ZZEF1: variants seen among roughly 807,000 people sequenced by gnomAD.
ZZEF1 encodes the protein zinc finger ZZ-type and EF-hand domain-containing protein 1.
In ZZEF1, 157 loss-of-function variants were observed where a neutral mutation model predicts 342.8. The ratio of observed to expected loss-of-function variants is 0.46; its 90% CI spans 0.40 to 0.52. The LOEUF is 0.52. Ranked by LOEUF, ZZEF1 falls within the 20% of genes least tolerant of loss-of-function variation. The probability of loss-of-function intolerance (pLI) is 0.00; values close to 1 mark genes in which losing one functional copy is unlikely to be tolerated. For missense variants in ZZEF1, 3,480 were observed against 3,725.6 expected, an observed-to-expected ratio of 0.93 and a Z score of 1.72; for synonymous variants, 1,505 against 1,429.1, an observed-to-expected ratio of 1.05 and a Z score of -1.20.
At chr17:4,068,834 T>C (rs767463945) in intron 26 of ZZEF1, among the ~76,000 whole-genome samples, 43 of 152,260 alleles carry the variant, frequency 2.8e-4, no homozygotes, top group Non-Finnish European at 4.1e-4. Context: ...TCCCCACCCT[T>C]TCTAACCCCA....
At position 4,040,974 on chromosome 17, in the gene ZZEF1, C is replaced by T. The variant is rs1219032466; in HGVS notation, c.6306+1455G>A. The stretch of plus-strand genomic sequence containing the variant: ...GGTGCAGCTCTAATTGACACAGAGG[C>T]AGCTGAGGCAGCTAAAGTTAGCAGA... On this transcript the variant is annotated intron_variant, in intron 39 of 54. Coordinates refer to ENST00000381638, the MANE Select transcript of ZZEF1 (RefSeq NM_015113.4). Among the ~76,000 whole-genome samples, 4 of 152,176 alleles carry T rather than the reference C, an allele frequency of 2.6e-5. No homozygotes were observed. The East Asian group carries it at 7.7e-4, about 29-fold the overall frequency.
At chr17:4,072,865 TAG>T in intron 24 of ZZEF1, 109 bp from the exon 25 acceptor site, 1 of 1,170,466 alleles carries the variant, frequency 8.5e-7, no homozygotes, top group Non-Finnish European at 1.2e-6. Context: ...TATTAAAACT[TAG>T]AGAAAGTTTA....
intron 1 of ZZEF1, among the ~76,000 whole-genome samples, chr17:4,131,545 A>G (rs2058662487): frequency 6.6e-6 from 1 of 152,020 alleles, no homozygotes; most frequent in South Asian, 2.1e-4. Context: ...TTGGGAGGCT[A>G]AGGTGGGTGG....
rs2057632926 is a variant in ZZEF1, at chr17:4,076,903, A to G, written c.3076T>C (p.Cys1026Arg). The G allele has an allele frequency of 6.2e-7, 1 of 1,614,228 alleles. No homozygotes were observed. Among genetic ancestry groups the G allele is most frequent in the Non-Finnish European group, 8.5e-7 (1 of 1,180,032 alleles). The part of the protein sequence containing the change: ...YSGKTIVERL[C>R]NSVFSMAARQ... Reference sequence around the variant, plus strand: ...GCTGCCATTGAAAACACTGAGTTACATAATCTTTCTACTATGGTTTTTCCA... The same window carrying G: ...GCTGCCATTGAAAACACTGAGTTACGTAATCTTTCTACTATGGTTTTTCCA... Residue 1026 changes from cysteine to arginine, a missense_variant, in exon 20 of 55, where the codon TGT becomes CGT. Cys to Arg is a radical substitution (Grantham distance 180, BLOSUM62 -3). This residue lies in a region of ZZEF1 where 1,528 missense variants were observed against 1,624.1 expected (regional missense o/e 0.94). Coordinates refer to ENST00000381638, the MANE Select transcript of ZZEF1 (RefSeq NM_015113.4).
At chr17:4,061,488 T>C (rs957204600) in intron 30 of ZZEF1, among the ~76,000 whole-genome samples, 9 of 152,170 alleles carry the variant, frequency 5.9e-5, no homozygotes, top group Admixed American at 5.9e-4. Flanking sequence ...GCATCCAAAT[T>C]CTATCCCTAG....
rs1206446991 is a variant in ZZEF1 at position 4,070,939 on chromosome 17, T to C, written c.3835-15A>G. The C allele has an allele frequency of 6.2e-7, 1 of 1,606,706 alleles. No homozygotes were observed. Among genetic ancestry groups the C allele is most frequent in the South Asian group, 1.1e-5 (1 of 89,690 alleles). The stretch of plus-strand genomic sequence containing the variant: ...ATGTTCTTAACCTGGAAACAAAAAA[T>C]AAACCCATCACATTTAACACATTCA... On this transcript the variant is annotated splice_polypyrimidine_tract_variant and intron_variant, in intron 25 of 54. Transcript: ENST00000381638.
At chr17:4,010,393 G>A (rs1294054538) in intron 52 of ZZEF1, among the ~76,000 whole-genome samples, 1 of 151,644 alleles carries the variant, frequency 6.6e-6, no homozygotes, top group African/African-American at 2.4e-5. Flanking sequence ...CAGTGACAGT[G>A]GGAACTCATC....
Position 4,059,190 on chromosome 17 carries a change from A to C in ZZEF1, c.4984T>G (p.Phe1662Val), listed in dbSNP as rs2057232659. 1 of 1,598,916 alleles carries C rather than the reference A, an allele frequency of 6.3e-7. No homozygotes were observed. The highest frequency in any genetic ancestry group is 1.3e-5 in the African/African-American group (1 of 74,186). Residue 1662 changes from phenylalanine to valine, a missense_variant, in exon 31 of 55, where the codon TTT (phenylalanine) becomes GTT (valine). By Grantham distance (50) the Phe-to-Val change is conservative (BLOSUM62 -1). Transcript: ENST00000381638. ...VLFLVKAVKG[F>V]SSLNDRSLLP... ...CAGTACCTGTCATTTAGGCTACTAA[A>C]TCCTTTAACTGCTTTGACCAAAAAC...
chr17:4,120,983 C>A (rs1280246613), intron 2 of ZZEF1, among the ~76,000 whole-genome samples: 1 of 152,162 alleles, frequency 6.6e-6, no homozygotes, highest in Admixed American at 6.5e-5. Flanking sequence ...AGGTTAGAAA[C>A]TAAAAATTCC....
At chr17:4,131,923 G>C (rs1597942117) in intron 1 of ZZEF1, among the ~76,000 whole-genome samples, 1 of 152,146 alleles carries the variant, frequency 6.6e-6, no homozygotes, top group South Asian at 2.1e-4. Flanking sequence ...GCATGCATGG[G>C]CAACGATGGG....
intron 1 of ZZEF1, among the ~76,000 whole-genome samples, chr17:4,132,196 T>A (rs967144176): frequency 1.6e-5 from 2 of 123,352 alleles, no homozygotes; most frequent in Non-Finnish European, 3.5e-5. Context: ...AAGCCTAAAT[T>A]TTCTCTTTTT....
intron 40 of ZZEF1, 66 bp downstream of exon 40, chr17:4,033,949 C>G (rs547262879): frequency 1.0e-4 from 161 of 1,581,802 alleles, no homozygotes; most frequent in Middle Eastern, 4.5e-4. Flanking sequence ...AGACCTTCAA[C>G]TTAAACAAAT....
In ZZEF1 at chr17:4,112,097, T is replaced by A. The variant is rs1333533451; in HGVS notation, c.1066+512A>T. On this transcript the variant is annotated intron_variant, in intron 5 of 54. Coordinates refer to ENST00000381638, the MANE Select transcript of ZZEF1 (RefSeq NM_015113.4). ...ATATATATATATATATATATATGTT[T>A]TGTTTTGTTTTTAATGAAAAAAATG... Among the ~76,000 whole-genome samples the A allele has an allele frequency of 8.8e-4, 81 of 91,924 alleles. 3 individuals are homozygous for A. The highest frequency in any genetic ancestry group is 2.2e-3 in the African/African-American group (49 of 22,366). The allele number at this position is 91,924 out of a possible 152,430, so 60.3% of individuals were successfully genotyped here.
intron 1 of ZZEF1, among the ~76,000 whole-genome samples, chr17:4,127,417 T>A (rs556420089): frequency 1.9e-4 from 29 of 152,278 alleles, no homozygotes; most frequent in African/African-American, 7.0e-4. Flanking sequence ...TAATGAAATA[T>A]TTATGGATGA....
rs766360509 is a variant in ZZEF1 at position 4,014,483 on chromosome 17, G to A, written c.8178C>T (p.Leu2726=). 3 of 1,614,220 alleles carry A rather than the reference G, an allele frequency of 1.9e-6. No homozygotes were observed. The Admixed American group carries it at 5.0e-5, about 27-fold the overall frequency. ...TGCACTGAGAGTCGAATTTGATTGA[G>A]AGGTAGATGGCACCAGGAATGTGAA... ...DKVHIPGAIY[L]SIKFDSQCNT... Residue 2726 remains leucine (L), a synonymous_variant, in exon 50 of 55, where the codon CTC becomes CTT. Coordinates refer to ENST00000381638, the MANE Select transcript of ZZEF1 (RefSeq NM_015113.4). The surrounding 1 kb of genome is among the most constrained non-coding windows in gnomAD (Gnocchi z 4.4).
At chr17:4,052,895 A>G (rs891707527) in intron 34 of ZZEF1, among the ~76,000 whole-genome samples, 2 of 151,994 alleles carry the variant, frequency 1.3e-5, no homozygotes, top group African/African-American at 4.8e-5. Flanking sequence ...AAAAAACCAG[A>G]CCCAGACCCA....
Position 4,016,355 on chromosome 17 carries a change from T to C in ZZEF1, c.8113A>G (p.Lys2705Glu). ...PGMEVQVRES[K>E]HPYNNNTNFE... ...TTGGTGTTGTTGTTATACGGGTGTT[T>C]CGACTCCCTCACTTGCACCTCCATT... Residue 2705 changes from lysine to glutamate, a missense_variant, in exon 49 of 55, where the codon AAA (lysine) becomes GAA (glutamate). This residue lies in a region of ZZEF1 where 1,269 missense variants were observed against 1,342.4 expected (regional missense o/e 0.95). Coordinates refer to ENST00000381638, the MANE Select transcript of ZZEF1 (RefSeq NM_015113.4). This position sits in a 1 kb window ranked among gnomAD's most constrained non-coding sequence, Gnocchi z 4.4. 1 of 1,614,174 alleles carries C rather than the reference T, an allele frequency of 6.2e-7. No individual in the cohort carries two copies.
Position 4,142,693 on chromosome 17 carries a change from G to T in ZZEF1, c.203C>A (p.Pro68His), listed in dbSNP as rs572396045. The T allele has an allele frequency of 3.2e-5, 52 of 1,605,062 alleles. No homozygotes were observed. Among genetic ancestry groups the T allele is most frequent in the South Asian group, 1.2e-4 (11 of 90,782 alleles). ...EAAAALLPTP[P>H]CESLVSRHRG... ...ATGCCTCGACACCAGCGACTCGCAG[G>T]GGGGTGTGGGCAGCAACGCTGCAGC... Residue 68 changes from proline (P) to histidine (H), a missense_variant, in exon 1 of 55, where the codon CCC (proline) becomes CAC (histidine). Pro to His is a moderately conservative substitution (Grantham distance 77, BLOSUM62 -2). Around this residue, in one of 5 missense-constraint regions of ZZEF1, gnomAD observed 416 missense variants for 374.2 expected, o/e 1.11. Coordinates refer to ENST00000381638, the MANE Select transcript of ZZEF1 (RefSeq NM_015113.4).
intron 1 of ZZEF1, among the ~76,000 whole-genome samples, chr17:4,132,837 G>A (rs184866248): frequency 6.6e-6 from 1 of 151,680 alleles, no homozygotes; most frequent in Non-Finnish European, 1.5e-5. Context: ...GTGGTGGCGG[G>A]CGCCTGTAGT....
Sources: allele counts gnomAD v4.1 joint callset (sites outside exome capture counted in the v4.1 genomes callset), GRCh38; gene constraint gnomAD v4.1.1; regional missense constraint gnomAD v4.1.1; non-coding constraint Gnocchi (gnomAD v3.1); transcripts MANE v1.5; gene names NCBI Gene and HGNC (gene_info 2026-07-23, HGNC 2026-07-21).